Variants in PLEKHS1 observed in about 807,000 individuals in gnomAD.
The protein encoded by PLEKHS1 is pleckstrin homology domain containing S1.
PLEKHS1 carries 55 observed loss-of-function variants against 51.0 expected under a neutral mutation model. That is an observed-to-expected ratio of 1.08 (90% CI 0.87 to 1.35). The LOEUF (loss-of-function observed/expected upper bound fraction) is 1.35, where lower values mean the gene tolerates loss of function less well. Ranked by LOEUF, PLEKHS1 falls within the 40% of genes most tolerant of loss-of-function variation. The probability of loss-of-function intolerance (pLI) is 0.00; values close to 1 mark genes in which losing one functional copy is unlikely to be tolerated. For synonymous variants in PLEKHS1, 153 were observed against 144.8 expected, an observed-to-expected ratio of 1.06 and a Z score of -0.41; for missense variants, 398 against 423.0, an observed-to-expected ratio of 0.94 and a Z score of 0.52.
intron 2 of PLEKHS1, among the ~76,000 whole-genome samples, chr10:113,757,554 A>G (rs1854180059): frequency 6.6e-6 from 1 of 152,240 alleles, no homozygotes; most frequent in Non-Finnish European, 1.5e-5. Flanking sequence ...TCAGTGAGTC[A>G]CAATCTTTTT....
At chr10:113,756,415 C>T (rs183262815) in intron 2 of PLEKHS1, among the ~76,000 whole-genome samples, 12 of 152,178 alleles carry the variant, frequency 7.9e-5, no homozygotes, top group East Asian at 3.9e-4. Context: ...GAGCCAAGAT[C>T]GCACCACTGC....
At chr10:113,759,627 T>G (rs1299565919) in intron 2 of PLEKHS1, among the ~76,000 whole-genome samples, 1 of 152,246 alleles carries the variant, frequency 6.6e-6, no homozygotes, top group Non-Finnish European at 1.5e-5. Context: ...ATAGTTCATT[T>G]TTTTGATGAG....
chr10:113,759,714 C>T (rs114017565), intron 2 of PLEKHS1, among the ~76,000 whole-genome samples: 438 of 152,054 alleles, frequency 2.9e-3, no homozygotes, highest in East Asian at 0.013. Context: ...TTCCAGTCTT[C>T]GCCTATTATA....
intron 2 of PLEKHS1, among the ~76,000 whole-genome samples, chr10:113,763,993 T>C (rs1473528740): frequency 6.6e-6 from 1 of 152,242 alleles, no homozygotes; most frequent in East Asian, 1.9e-4. Flanking sequence ...ATTTCAGCCT[T>C]TATATATCTA....
chr10:113,755,632 C>T (rs186726207), intron 2 of PLEKHS1, among the ~76,000 whole-genome samples: 6 of 152,146 alleles, frequency 3.9e-5, no homozygotes, highest in South Asian at 2.1e-4. Flanking sequence ...CTCAAACTCC[C>T]GGCCTAGGTG....
exon 10 of PLEKHS1, chr10:113,775,013 G>C (rs1275168319): frequency 6.2e-7 from 1 of 1,614,046 alleles, no homozygotes; most frequent in Non-Finnish European, 8.5e-7. Flanking sequence ...ACTAACTGTT[G>C]TGCAATTGTC....
At chr10:113,777,768 A>T in intron 11 of PLEKHS1, 1 of 1,451,102 alleles carries the variant, frequency 6.9e-7, no homozygotes, top group Non-Finnish European at 9.0e-7. Flanking sequence ...TTAAAGCCTC[A>T]GTTTCATTAT....
chr10:113,774,446 C>A, intron 9 of PLEKHS1, 113 bp downstream of exon 9: 1 of 652,514 alleles, frequency 1.5e-6, no homozygotes, highest in East Asian at 2.8e-5. Context: ...TACCAGAGAC[C>A]AGTTTCCACA....
In PLEKHS1 at chr10:113,760,689, T is replaced by A. The variant is rs555829564; in HGVS notation, c.28+5384T>A. ...TCTTTTTGTGTTGCATTGTAAGAGT[T>A]CTTTATATATTCTGGATAGTAGGCC... is the stretch of plus-strand genomic sequence containing the variant. On this transcript the variant is annotated intron_variant, in intron 2 of 11. Coordinates refer to ENST00000361048, the Ensembl canonical transcript of PLEKHS1. 1.4e-4 allele frequency among the ~76,000 whole-genome samples: 21 copies of A among 152,324 alleles called. 1 individual carries two copies. The highest frequency in any genetic ancestry group is 4.8e-4 in the African/African-American group (20 of 41,582).
exon 12 of PLEKHS1, chr10:113,780,844 G>A (rs1472025803): frequency 7.0e-7 from 1 of 1,438,012 alleles, no homozygotes; most frequent in African/African-American, 1.4e-5. Flanking sequence ...TCTGCCCCCT[G>A]CTGCTGCCAT....
At chr10:113,763,055 A>C (rs1207819241) in intron 2 of PLEKHS1, among the ~76,000 whole-genome samples, 1 of 152,116 alleles carries the variant, frequency 6.6e-6, no homozygotes, top group East Asian at 1.9e-4. Flanking sequence ...TGAAATCTCT[A>C]TAATTGCGGA....
rs148811056 is a variant in PLEKHS1 at position 113,775,015 on chromosome 10, G to A, written c.969G>A (p.Val323=). Residue 323 remains valine (V), a synonymous_variant, in exon 10 of 12, where the codon GTG becomes GTA. Transcript: ENST00000361048. ...AGGGGTCGGCCTCACTAACTGTTGTGCAATTGTCTATATTAATCAAGTAAA... is the reference window on the plus strand; with the variant it reads ...AGGGGTCGGCCTCACTAACTGTTGTACAATTGTCTATATTAATCAAGTAAA... The A allele has an allele frequency of 1.2e-4, 195 of 1,614,026 alleles. No homozygotes were observed. In the African/African-American group the frequency reaches 2.4e-3, roughly 20 times the overall value.
intron 11 of PLEKHS1, among the ~76,000 whole-genome samples, chr10:113,780,300 T>C (rs1275406137): frequency 1.3e-5 from 2 of 152,188 alleles, no homozygotes; most frequent in Non-Finnish European, 2.9e-5. Flanking sequence ...GATTCACTTG[T>C]TTGAAGAGGC....
At chr10:113,780,912 G>A (rs1844847336) in exon 12 of PLEKHS1, 3 of 777,458 alleles carry the variant, frequency 3.9e-6, no homozygotes, top group African/African-American at 1.7e-5. Flanking sequence ...CTTAACAATG[G>A]GGATGACTAT....
At position 113,774,820 on chromosome 10, in the gene PLEKHS1, C is replaced by T; in HGVS notation, c.780-6C>T. 1 of 1,612,080 alleles carries T rather than the reference C, an allele frequency of 6.2e-7. No individual in the cohort carries two copies. Among genetic ancestry groups the T allele is most frequent in the Non-Finnish European group, 8.5e-7 (1 of 1,178,272 alleles). ...ATAGGGCTTGTTTTAACTTCTTATGCTCTAGTTTTTTCAAAGAGACATCCC... is the reference window on the plus strand; with the variant it reads ...ATAGGGCTTGTTTTAACTTCTTATGTTCTAGTTTTTTCAAAGAGACATCCC... On this transcript the variant is annotated splice_polypyrimidine_tract_variant and splice_region_variant and intron_variant, in intron 9 of 11. Coordinates refer to ENST00000361048, the Ensembl canonical transcript of PLEKHS1.
chr10:113,762,123 T>G (rs1273291547), intron 2 of PLEKHS1, among the ~76,000 whole-genome samples: 1 of 152,004 alleles, frequency 6.6e-6, no homozygotes. Flanking sequence ...ATTTCTTTAT[T>G]ATCCTTTTAA....
chr10:113,753,115 G>A (rs1853923177), intron 1 of PLEKHS1, among the ~76,000 whole-genome samples: 1 of 152,140 alleles, frequency 6.6e-6, no homozygotes, highest in African/African-American at 2.4e-5. Flanking sequence ...ACAGCTTGCA[G>A]TAAACACTGC....
intron 8 of PLEKHS1, 43 bp downstream of exon 8, chr10:113,772,132 T>C: frequency 1.2e-6 from 2 of 1,605,552 alleles, no homozygotes; most frequent in South Asian, 2.2e-5. Context: ...CTTTAACAAA[T>C]ATTTACTGAA....
Position 113,775,758 on chromosome 10 carries a change from T to C in PLEKHS1, c.990-7T>C. The C allele has an allele frequency of 6.2e-7, 1 of 1,605,932 alleles. No homozygotes were observed. Among genetic ancestry groups the C allele is most frequent in the South Asian group, 1.1e-5 (1 of 89,942 alleles). On this transcript the variant is annotated splice_polypyrimidine_tract_variant and splice_region_variant and intron_variant, in intron 10 of 11. Coordinates refer to ENST00000361048, the Ensembl canonical transcript of PLEKHS1. ...TGATGTGACTTTTACAAATGTCTTG[T>C]TCATAGTAATATCCCCGATGAAAGC... is the stretch of plus-strand genomic sequence containing the variant.
Sources: gnomAD v4.1 joint callset for allele counts (sites outside exome capture counted in the v4.1 genomes callset) on GRCh38, gnomAD v4.1.1 for gene constraint, MANE v1.5 for transcripts, NCBI Gene and HGNC (gene_info 2026-07-23, HGNC 2026-07-21) for gene names.